The following RANBP2 variants were observed in gnomAD, a reference collection of about 807,000 sequenced individuals.
RANBP2 encodes RAN binding protein 2, also known as E3 SUMO-protein ligase RanBP2.
A neutral mutation model predicts 303.6 loss-of-function variants in RANBP2; 57 were observed. That is an observed-to-expected ratio of 0.19 (90% CI 0.15 to 0.23). RANBP2 has a LOEUF of 0.23. Among genes scored for constraint, RANBP2 ranks in the 10% least tolerant of loss-of-function variants. RANBP2 has a pLI of 1.00. For missense variants in RANBP2, 3,138 were observed against 3,780.8 expected, an observed-to-expected ratio of 0.83 and a Z score of 4.46; for synonymous variants, 1,167 against 1,301.5, an observed-to-expected ratio of 0.90 and a Z score of 2.23.
the RANBP2 span, among the ~76,000 whole-genome samples, chr2:109,152,269 G>A: frequency 2.0e-5 from 3 of 152,234 alleles, no homozygotes; most frequent in Non-Finnish European, 2.9e-5. Flanking sequence ...CACGGGAGGT[G>A]GGCATGTTCC....
chr2:108,930,363 C>A, the RANBP2 span: 43 of 1,112,618 alleles, frequency 3.9e-5, no homozygotes, highest in Admixed American at 7.7e-4. Flanking sequence ...GCTGGGGGCT[C>A]GGTCTGGGAA....
chr2:109,087,794 G>A, the RANBP2 span, among the ~76,000 whole-genome samples: 1 of 152,146 alleles, frequency 6.6e-6, no homozygotes, highest in Non-Finnish European at 1.5e-5. Flanking sequence ...CTGGAGGAGT[G>A]GGAGAGCAGG....
At chr2:109,321,270 G>A in the RANBP2 span, among the ~76,000 whole-genome samples, 4 of 152,142 alleles carry the variant, frequency 2.6e-5, no homozygotes, top group African/African-American at 4.8e-5. Flanking sequence ...TCATTAAAAC[G>A]CCATTCCTTT....
the RANBP2 span, among the ~76,000 whole-genome samples, chr2:109,612,360 G>C: frequency 6.6e-6 from 1 of 152,146 alleles, no homozygotes; most frequent in East Asian, 1.9e-4. Context: ...GGATCCTCCT[G>C]GTCCTGGGAA....
At chr2:108,981,930 T>G in the RANBP2 span, among the ~76,000 whole-genome samples, 3 of 152,254 alleles carry the variant, frequency 2.0e-5, no homozygotes, top group African/African-American at 7.2e-5. Context: ...TGTGGGTTTC[T>G]TCAACATTTA....
At chr2:108,945,896 G>A in the RANBP2 span, among the ~76,000 whole-genome samples, 1 of 152,194 alleles carries the variant, frequency 6.6e-6, no homozygotes, top group East Asian at 1.9e-4. Flanking sequence ...TGGGTTGCCA[G>A]GGGCACATGT....
At chr2:109,445,148 A>G in the RANBP2 span, among the ~76,000 whole-genome samples, 1 of 152,106 alleles carries the variant, frequency 6.6e-6, no homozygotes, top group South Asian at 2.1e-4. Flanking sequence ...AATACAGAGC[A>G]GAGATGAAAA....
At chr2:109,629,235 T>TAAATAAATAAAA in the RANBP2 span, among the ~76,000 whole-genome samples, 1 of 138,078 alleles carries the variant, frequency 7.2e-6, no homozygotes, top group Non-Finnish European at 1.5e-5. Flanking sequence ...AATAAATAAA[T>TAAATAAATAAAA]AAAATGCTTA....
chr2:109,655,025 C>T, the RANBP2 span, among the ~76,000 whole-genome samples: 7 of 151,888 alleles, frequency 4.6e-5, no homozygotes, highest in African/African-American at 1.7e-4. Flanking sequence ...GCCTCAGCCT[C>T]CCGAGTAGCT....
chr2:108,957,608 G>A, the RANBP2 span, among the ~76,000 whole-genome samples: 6 of 152,180 alleles, frequency 3.9e-5, no homozygotes, highest in East Asian at 1.9e-4. Flanking sequence ...CTGGATAAAC[G>A]TGGGTTAAGA....
the RANBP2 span, among the ~76,000 whole-genome samples, chr2:109,560,253 G>A: frequency 6.6e-6 from 1 of 152,084 alleles, no homozygotes; most frequent in African/African-American, 2.4e-5. Flanking sequence ...AACACAAAGT[G>A]GTCTTCATTA....
At chr2:109,603,092 A>G in the RANBP2 span, among the ~76,000 whole-genome samples, 1 of 151,884 alleles carries the variant, frequency 6.6e-6, no homozygotes, top group Non-Finnish European at 1.5e-5. Flanking sequence ...AAAAAAAACA[A>G]AACAAAAAAG....
the RANBP2 span, among the ~76,000 whole-genome samples, chr2:109,565,033 A>G: frequency 1.3e-5 from 2 of 152,218 alleles, no homozygotes; most frequent in African/African-American, 4.8e-5. Flanking sequence ...ACACTATTCA[A>G]AATTAGTGAA....
At chr2:108,744,273 G>A (rs1290270938) in intron 7 of RANBP2, among the ~76,000 whole-genome samples, 3 of 152,102 alleles carry the variant, frequency 2.0e-5, no homozygotes, top group Admixed American at 6.5e-5. Context: ...GCATGGTGGC[G>A]GGTGCCTGTA....
chr2:109,277,560 G>A, the RANBP2 span, among the ~76,000 whole-genome samples: 6 of 152,172 alleles, frequency 3.9e-5, no homozygotes, highest in African/African-American at 1.2e-4. Context: ...GTGCCTCCCT[G>A]AGACTTACGT....
intron 7 of RANBP2, among the ~76,000 whole-genome samples, chr2:108,743,804 G>C (rs1696302147): frequency 6.6e-6 from 1 of 152,146 alleles, no homozygotes; most frequent in African/African-American, 2.4e-5. Context: ...TTTCTTCATT[G>C]TTCCACTTCA....
chr2:109,670,636 C>T, the RANBP2 span, among the ~76,000 whole-genome samples: 1 of 152,192 alleles, frequency 6.6e-6, no homozygotes, highest in Non-Finnish European at 1.5e-5. Context: ...CCTCGTTCTG[C>T]TGCTGCTGCT....
At chr2:109,631,755 TA>T in the RANBP2 span, among the ~76,000 whole-genome samples, 11 of 146,632 alleles carry the variant, frequency 7.5e-5, no homozygotes, top group East Asian at 9.8e-4. Flanking sequence ...AAACTCAGTC[TA>T]AAAAAAAAAG....
chr2:109,136,773 A>G, the RANBP2 span, among the ~76,000 whole-genome samples: 2 of 152,218 alleles, frequency 1.3e-5, no homozygotes. Context: ...GTGAGTTTAA[A>G]TGAATTAGGA....
Sources: gnomAD v4.1 joint callset for allele counts (sites outside exome capture counted in the v4.1 genomes callset) on GRCh38, gnomAD v4.1.1 for gene constraint, MANE v1.5 for transcripts, NCBI Gene and HGNC (gene_info 2026-07-23, HGNC 2026-07-21) for gene names.